Variants in DNAJC16 observed in about 807,000 individuals in gnomAD.
DNAJC16 encodes DnaJ heat shock protein family (Hsp40) member C16.
In DNAJC16, 76 loss-of-function variants were observed where a neutral mutation model predicts 92.7. That is an observed-to-expected ratio of 0.82 (90% CI 0.68 to 0.99). DNAJC16 has a LOEUF of 0.99. DNAJC16 is among the 50% of genes least tolerant of loss of function. The pLI, the probability that DNAJC16 is intolerant of heterozygous loss-of-function variation, is 0.00. For missense variants in DNAJC16, 869 were observed against 942.4 expected, an observed-to-expected ratio of 0.92 and a Z score of 1.02; for synonymous variants, 328 against 358.7, an observed-to-expected ratio of 0.91 and a Z score of 0.97.
At chr1:15,559,025 C>A (rs1019607315) in intron 7 of DNAJC16, among the ~76,000 whole-genome samples, 1 of 152,084 alleles carries the variant, frequency 6.6e-6, no homozygotes, top group African/African-American at 2.4e-5. Flanking sequence ...CTGCAACCTC[C>A]GTCTCCCAGG....
chr1:15,534,409 T>C (rs1710733734), intron 3 of DNAJC16, 106 bp downstream of exon 3: 3 of 1,145,448 alleles, frequency 2.6e-6, no homozygotes, highest in South Asian at 2.8e-5. Flanking sequence ...CCCATGCCCT[T>C]GATGCAGTTT....
intron 2 of DNAJC16, among the ~76,000 whole-genome samples, chr1:15,533,364 C>T (rs1008944830): frequency 4.6e-5 from 7 of 152,152 alleles, no homozygotes; most frequent in Admixed American, 1.3e-4. Flanking sequence ...TGGTGGCTCA[C>T]GCCTGTATTC....
intron 7 of DNAJC16, among the ~76,000 whole-genome samples, chr1:15,551,759 A>G (rs1638447497): frequency 6.6e-6 from 1 of 152,080 alleles, no homozygotes; most frequent in Admixed American, 6.6e-5. Flanking sequence ...GACTACAGGC[A>G]TGCACCACTG....
chr1:15,565,666 C>T (rs972355022), intron 11 of DNAJC16: 6 of 485,768 alleles, frequency 1.2e-5, no homozygotes, highest in African/African-American at 6.0e-5. Flanking sequence ...TCATGCAGAA[C>T]TTATTGAGCA....
At position 15,536,562 on chromosome 1, in the gene DNAJC16, C is replaced by T. The variant is rs771091486; in HGVS notation, c.322C>T (p.Arg108Ter). 6 of 1,614,010 alleles carry T rather than the reference C, an allele frequency of 3.7e-6. No homozygotes were observed. Among genetic ancestry groups the T allele is most frequent in the East Asian group, 2.2e-5 (1 of 44,900 alleles). ...NQGYQKQQQQREYRFRHFHEN... is the reference protein window; with the variant it reads ...NQGYQKQQQQ ...GGGCTACCAGAAGCAGCAACAGCAG[C>T]GAGAGTATCGCTTCCGCCATTTCCA... Residue 108 changes from arginine to a stop codon, truncating the protein, a stop_gained, in exon 4 of 15, where the codon CGA (arginine) becomes TGA (stop). Coordinates refer to ENST00000375847, the MANE Select transcript of DNAJC16 (RefSeq NM_015291.4). LOFTEE classifies it high-confidence loss of function.
chr1:15,539,515 G>A (rs1473492161), intron 4 of DNAJC16, among the ~76,000 whole-genome samples: 2 of 151,684 alleles, frequency 1.3e-5, no homozygotes, highest in East Asian at 1.9e-4. Context: ...CAAAGTGCTG[G>A]GATTACAGGT....
intron 13 of DNAJC16, 191 bp downstream of exon 13, chr1:15,566,371 T>C: frequency 3.5e-6 from 2 of 567,954 alleles, no homozygotes; most frequent in Non-Finnish European, 6.2e-6. Context: ...TTAGATGCCT[T>C]AGATTTCATA....
chr1:15,563,930 T>A lies in DNAJC16; in HGVS notation c.1340T>A (p.Val447Glu), dbSNP rs920561963. Reference sequence around the variant, plus strand: ...GTTTTTTCTCTACTTTTCTTCCAGGTGTCTATTTTAGAAAGGCGCAACACA... The same window carrying A: ...GTTTTTTCTCTACTTTTCTTCCAGGAGTCTATTTTAGAAAGGCGCAACACA... ...DSEAFQGKSA[V>E]SILERRNTAG... Residue 447 changes from valine (V) to glutamate (E), a missense_variant and splice_region_variant, in exon 10 of 15, where the codon GTG becomes GAG. Physicochemically the swap from Val to Glu is moderately radical, Grantham distance 121. Transcript: ENST00000375847. 21 of 1,603,160 alleles carry A rather than the reference T, an allele frequency of 1.3e-5. No individual in the cohort carries two copies. Among genetic ancestry groups the A allele is most frequent in the Non-Finnish European group, 1.7e-5 (20 of 1,176,178 alleles).
At chr1:15,530,903 G>T (rs1710643161) in intron 2 of DNAJC16, among the ~76,000 whole-genome samples, 1 of 151,710 alleles carries the variant, frequency 6.6e-6, no homozygotes, top group Non-Finnish European at 1.5e-5. Flanking sequence ...GGCCAGGCTG[G>T]TCTCAGACTC....
intron 7 of DNAJC16, among the ~76,000 whole-genome samples, chr1:15,549,409 G>A (rs1240657488): frequency 3.3e-5 from 5 of 152,102 alleles, no homozygotes; most frequent in African/African-American, 4.8e-5. Flanking sequence ...AGATCTTCCC[G>A]GCATAATACC....
chr1:15,564,669 C>T (rs1188759917), intron 11 of DNAJC16, among the ~76,000 whole-genome samples: 2 of 151,612 alleles, frequency 1.3e-5, no homozygotes, highest in African/African-American at 4.8e-5. Context: ...GCTGGGATTA[C>T]AGGCACCTGT....
chr1:15,562,603 A>G (rs1016505867), intron 9 of DNAJC16, among the ~76,000 whole-genome samples: 9 of 151,134 alleles, frequency 6.0e-5, no homozygotes, highest in African/African-American at 2.2e-4. Context: ...CTCCCACCTC[A>G]GCCTCCCACA....
chr1:15,566,279 C>G lies in DNAJC16; in HGVS notation c.1778+99C>G, dbSNP rs1051353990. 3.2e-6 allele frequency: 3 copies of G among 945,880 alleles called. No individual in the cohort carries two copies. The African/African-American group carries it at 5.0e-5, about 16-fold the overall frequency. The allele number at this position is 945,880 out of a possible 1,614,324, so 58.6% of individuals were successfully genotyped here. A position where few individuals can be genotyped will look rare whatever the true frequency, so the allele number is the denominator to read the frequency against. On this transcript the variant is annotated intron_variant, in intron 13 of 14. Coordinates refer to ENST00000375847, the MANE Select transcript of DNAJC16 (RefSeq NM_015291.4). ...TTGGAACATAGAGTGTAGAGAAGAACTCTCATGCACCTCCTCCCATGTAAA... is the reference window on the plus strand; with the variant it reads ...TTGGAACATAGAGTGTAGAGAAGAAGTCTCATGCACCTCCTCCCATGTAAA...
intron 11 of DNAJC16, 63 bp from the exon 12 acceptor site, chr1:15,565,856 T>C: frequency 6.6e-7 from 1 of 1,523,016 alleles, no homozygotes; most frequent in Non-Finnish European, 9.0e-7. Context: ...TTTTATTTTA[T>C]CTTTTTTTAG....
rs1311345315 is a variant in DNAJC16, at chr1:15,567,176, G to A, written c.1856G>A (p.Arg619Lys). 27 of 1,614,026 alleles carry A rather than the reference G, an allele frequency of 1.7e-5. No individual in the cohort carries two copies. The highest frequency in any genetic ancestry group is 2.7e-5 in the African/African-American group (2 of 74,918). ...TACACCAGTAACTTGGTACGTCTGA[G>A]GCCAGGCCACATGAATGTGGTCCTC... ...VTYTSNLVRL[R>K]PGHMNVVLIL... The change falls in exon 14 of 15, where the codon AGG (arginine) becomes AAG (lysine). Residue 619 changes from arginine to lysine, a missense_variant. Transcript: ENST00000375847.
chr1:15,550,016 C>G (rs1254073346), intron 7 of DNAJC16, among the ~76,000 whole-genome samples: 2 of 152,018 alleles, frequency 1.3e-5, no homozygotes, highest in East Asian at 1.9e-4. Flanking sequence ...TATGTGGTTT[C>G]AGGCACCTAC....
At position 15,568,132 on chromosome 1, in the gene DNAJC16, C is replaced by G; in HGVS notation, c.2304C>G (p.Gly768=). ...TATGGATGGAACGCCTGCTGGAGGG[C>G]TCCTTACAGAGGTTTTATATCCCAT... The part of the protein sequence containing the change: ...LSLWMERLLE[G]SLQRFYIPSW... The change falls in exon 15 of 15, where the codon GGC becomes GGG. Residue 768 remains glycine, a synonymous_variant. Coordinates refer to ENST00000375847, the MANE Select transcript of DNAJC16 (RefSeq NM_015291.4). 1.2e-6 allele frequency: 2 copies of G among 1,613,948 alleles called. No individual in the cohort carries two copies. Among genetic ancestry groups the G allele is most frequent in the Non-Finnish European group, 1.7e-6 (2 of 1,179,960 alleles).
chr1:15,548,532 C>T, intron 7 of DNAJC16, 104 bp downstream of exon 7: 1 of 1,127,040 alleles, frequency 8.9e-7, no homozygotes. Context: ...AAAGGATCTT[C>T]CTTCAGATGC....
chr1:15,548,176 C>A (rs1255213194), intron 6 of DNAJC16, 94 bp from the exon 7 acceptor site: 13 of 1,263,422 alleles, frequency 1.0e-5, no homozygotes, highest in Non-Finnish European at 1.2e-5. Context: ...TGGCATGTAC[C>A]TCTCTGCTCA....
Sources: allele counts gnomAD v4.1 joint callset (sites outside exome capture counted in the v4.1 genomes callset), GRCh38; gene constraint gnomAD v4.1.1; transcripts MANE v1.5; gene names NCBI Gene and HGNC (gene_info 2026-07-23, HGNC 2026-07-21).